The following DLG2 variants were observed in gnomAD, a reference collection of about 807,000 sequenced individuals.
DLG2 encodes the protein discs large MAGUK scaffold protein 2, also known as disks large homolog 2.
In DLG2, 45 loss-of-function variants were observed where a neutral mutation model predicts 132.5. The observed-to-expected ratio is 0.34, with a 90% CI of 0.27 to 0.44. DLG2 has a LOEUF of 0.44. DLG2 is among the 20% of genes least tolerant of loss of function. DLG2 has a pLI of 1.00. For synonymous variants in DLG2, 424 were observed against 419.6 expected (o/e 1.01, Z -0.13); for missense variants, 1,045 against 1,196.9 (o/e 0.87, Z 1.87).
At chr11:85,357,547 A>T (rs926872798) in intron 3 of DLG2, among the ~76,000 whole-genome samples, 2 of 139,370 alleles carry the variant, frequency 1.4e-5, no homozygotes, top group Admixed American at 1.6e-4. Context: ...CTATGACTAC[A>T]AGTCTTCTGA....
intron 6 of DLG2, among the ~76,000 whole-genome samples, chr11:84,973,420 G>A (rs2054388984): frequency 6.6e-6 from 1 of 152,104 alleles, no homozygotes; most frequent in African/African-American, 2.4e-5. Flanking sequence ...TGTACCTTCT[G>A]GAGCCCTGGC....
At chr11:85,090,270 G>A (rs2068552054) in intron 6 of DLG2, among the ~76,000 whole-genome samples, 1 of 152,084 alleles carries the variant, frequency 6.6e-6, no homozygotes, top group Admixed American at 6.5e-5. Flanking sequence ...TTTCCCTAAT[G>A]GGTAAAACTT....
chr11:83,780,466 C>T (rs750021472), intron 18 of DLG2, among the ~76,000 whole-genome samples: 2 of 152,146 alleles, frequency 1.3e-5, no homozygotes, highest in Non-Finnish European at 1.5e-5. Flanking sequence ...TGAGTTTCTG[C>T]ATTAAAGTGT....
In DLG2 at chr11:84,446,610, G is replaced by A. The variant is rs560060381; in HGVS notation, c.519+87960C>T. Among the ~76,000 whole-genome samples, 5 of 151,876 alleles carry A rather than the reference G, an allele frequency of 3.3e-5. No individual in the cohort carries two copies. The South Asian group carries it at 8.3e-4, about 25-fold the overall frequency. ...AGCTATACTCTCCCCACAAAATAGG[G>A]TTGGGTTTAAATTTACTCTTTTTTT... is the stretch of plus-strand genomic sequence containing the variant. On this transcript the variant is annotated intron_variant, in intron 7 of 27. Coordinates refer to ENST00000376104, the MANE Select transcript of DLG2 (RefSeq NM_001142699.3).
chr11:83,659,431 C>T (rs1293633300), intron 18 of DLG2, among the ~76,000 whole-genome samples: 1 of 152,150 alleles, frequency 6.6e-6, no homozygotes, highest in East Asian at 1.9e-4. Flanking sequence ...TCTCTTTTTG[C>T]TTACTCCTTT....
At chr11:84,418,594 A>T (rs1309650048) in intron 7 of DLG2, among the ~76,000 whole-genome samples, 1 of 152,112 alleles carries the variant, frequency 6.6e-6, no homozygotes, top group Non-Finnish European at 1.5e-5. Context: ...TTCTTGTCCA[A>T]ATGGTTTTTG....
intron 3 of DLG2, among the ~76,000 whole-genome samples, chr11:85,502,203 G>A (rs2093820520): frequency 6.6e-6 from 1 of 151,970 alleles, no homozygotes; most frequent in South Asian, 2.1e-4. Flanking sequence ...TCATTCATAA[G>A]TGGGAGTTGA....
intron 6 of DLG2, among the ~76,000 whole-genome samples, chr11:84,631,270 A>G (rs1041461716): frequency 2.1e-4 from 32 of 152,108 alleles, no homozygotes; most frequent in African/African-American, 7.2e-4. Context: ...CCATAAAAAA[A>G]AATCTAATCC....
At chr11:84,304,962 T>G (rs1215424093) in intron 7 of DLG2, among the ~76,000 whole-genome samples, 3 of 152,226 alleles carry the variant, frequency 2.0e-5, no homozygotes. Context: ...CCTCCTTTTT[T>G]CATCTGAAAT....
At chr11:84,950,168 T>A (rs1416114941) in intron 6 of DLG2, among the ~76,000 whole-genome samples, 1 of 152,212 alleles carries the variant, frequency 6.6e-6, no homozygotes, top group African/African-American at 2.4e-5. Context: ...CTGTCACTCA[T>A]ATTTGTACAT....
At chr11:83,462,644 A>G (rs1009348846) in intron 26 of DLG2, among the ~76,000 whole-genome samples, 1 of 152,202 alleles carries the variant, frequency 6.6e-6, no homozygotes, top group African/African-American at 2.4e-5. Flanking sequence ...GTTAAGGGGT[A>G]TAAAATGCAG....
intron 6 of DLG2, among the ~76,000 whole-genome samples, chr11:84,847,181 A>G (rs1327660202): frequency 6.6e-6 from 1 of 152,216 alleles, no homozygotes; most frequent in Non-Finnish European, 1.5e-5. Flanking sequence ...AATATAAAAT[A>G]TATAGCATTG....
chr11:85,180,364 C>T (rs1310357078), intron 4 of DLG2, among the ~76,000 whole-genome samples: 1 of 151,536 alleles, frequency 6.6e-6, no homozygotes, highest in South Asian at 2.1e-4. Flanking sequence ...TTTTAATGAG[C>T]CTTGTACAGT....
At chr11:85,126,617 A>G (rs1187652851) in intron 5 of DLG2, among the ~76,000 whole-genome samples, 4 of 152,014 alleles carry the variant, frequency 2.6e-5, no homozygotes, top group Non-Finnish European at 5.9e-5. Context: ...TTTTTCTGAT[A>G]CATCAAGCCC....
rs117177648 is a variant in DLG2 at position 83,708,511 on chromosome 11, A to G, written c.1826-75186T>C. Among the ~76,000 whole-genome samples, 96 of 152,352 alleles carry G rather than the reference A, an allele frequency of 6.3e-4. 1 individual carries two copies. The East Asian group carries it at 0.018, about 29-fold the overall frequency. ...GTGAAGCCATAAAACAAGGCCAGAA[A>G]TTTGGTAATCATTCTCAAGACAATA... On this transcript the variant is annotated intron_variant, in intron 18 of 27. Transcript: ENST00000376104.
At chr11:85,511,210 C>G (rs180784745) in intron 3 of DLG2, among the ~76,000 whole-genome samples, 1 of 151,630 alleles carries the variant, frequency 6.6e-6, no homozygotes, top group Non-Finnish European at 1.5e-5. Context: ...CATCACACAC[C>G]GGGGCCTGTT....
intron 7 of DLG2, among the ~76,000 whole-genome samples, chr11:84,527,521 T>C (rs2099325041): frequency 6.6e-6 from 1 of 152,124 alleles, no homozygotes; most frequent in Non-Finnish European, 1.5e-5. Flanking sequence ...TACCCAAACC[T>C]CACATACTCC....
intron 17 of DLG2, among the ~76,000 whole-genome samples, chr11:83,823,200 T>A (rs1479245332): frequency 6.6e-6 from 1 of 152,146 alleles, no homozygotes; most frequent in African/African-American, 2.4e-5. Context: ...TCAGGAGGGA[T>A]GATCAAGTCG....
chr11:85,099,958 A>G (rs1414487378), intron 6 of DLG2, among the ~76,000 whole-genome samples: 3 of 152,224 alleles, frequency 2.0e-5, no homozygotes, highest in Non-Finnish European at 4.4e-5. Context: ...AGGCTAGAAC[A>G]TATTTTCCAA....
Sources: allele counts gnomAD v4.1 joint callset (sites outside exome capture counted in the v4.1 genomes callset), GRCh38; gene constraint gnomAD v4.1.1; transcripts MANE v1.5; gene names NCBI Gene and HGNC (gene_info 2026-07-23, HGNC 2026-07-21).